IGF2R: variants seen among roughly 807,000 people sequenced by gnomAD.
The protein encoded by IGF2R is insulin like growth factor 2 receptor, also known as cation-independent mannose-6-phosphate receptor.
A neutral mutation model predicts 270.6 loss-of-function variants in IGF2R; 91 were observed. The ratio of observed to expected loss-of-function variants is 0.34; its 90% CI spans 0.28 to 0.40. The LOEUF is 0.40. Ranked by LOEUF, IGF2R falls within the 10% of genes least tolerant of loss-of-function variation. The probability of loss-of-function intolerance (pLI) is 1.00; values close to 1 mark genes in which losing one functional copy is unlikely to be tolerated. For missense variants in IGF2R, 2,805 were observed against 3,188.3 expected (o/e 0.88, Z 2.90); for synonymous variants, 1,316 against 1,258.9 (o/e 1.05, Z -0.96).
intron 39 of IGF2R, among the ~76,000 whole-genome samples, chr6:160,081,048 C>G (rs1778970348): frequency 6.6e-6 from 1 of 151,244 alleles, no homozygotes; most frequent in Non-Finnish European, 1.5e-5. Flanking sequence ...ATGGTGTGTA[C>G]CCGGGAGGCG....
At chr6:159,993,384 C>T (rs544128072) in intron 2 of IGF2R, among the ~76,000 whole-genome samples, 1 of 151,824 alleles carries the variant, frequency 6.6e-6, no homozygotes, top group South Asian at 2.1e-4. Context: ...ATTTAAGTCT[C>T]CAACTTTTGT....
At chr6:160,018,519 A>C (rs1486782625) in intron 4 of IGF2R, among the ~76,000 whole-genome samples, 2 of 152,164 alleles carry the variant, frequency 1.3e-5, no homozygotes, top group Non-Finnish European at 2.9e-5. Context: ...CAGAACATAT[A>C]TTCTTCTCAT....
chr6:160,099,942 A>T (rs1434388923), intron 45 of IGF2R, among the ~76,000 whole-genome samples: 3 of 152,260 alleles, frequency 2.0e-5, no homozygotes, highest in Middle Eastern at 3.2e-3. Flanking sequence ...TTTGGAAGAC[A>T]TACTGTTAGA....
At chr6:159,989,004 T>G (rs1783935192) in intron 1 of IGF2R, among the ~76,000 whole-genome samples, 1 of 152,190 alleles carries the variant, frequency 6.6e-6, no homozygotes. Context: ...ATCTTGACTC[T>G]AGGAGACACC....
intron 1 of IGF2R, among the ~76,000 whole-genome samples, chr6:159,980,185 AAG>A (rs773522293): frequency 2.6e-3 from 62 of 24,180 alleles, no homozygotes; most frequent in Middle Eastern, 0.017. Flanking sequence ...CGTCTCAAAA[AAG>A]AAAGAAAGAA....
rs1025985185 is a variant in IGF2R, at chr6:160,008,066, T to TA, written c.290-936dup. 1.9e-4 allele frequency among the ~76,000 whole-genome samples: 29 copies of TA among 152,200 alleles called. No individual in the cohort carries two copies. In the East Asian group the frequency reaches 3.9e-3, roughly 20 times the overall value. ...CTAATACTCATGATACTTAATGATCTAAAAAAAATCACAAAAAAGATCTCA... is the reference window on the plus strand; with the variant it reads ...CTAATACTCATGATACTTAATGATCTAAAAAAAAATCACAAAAAAGATCTCA... On this transcript the variant is annotated intron_variant, in intron 2 of 47. Coordinates refer to ENST00000356956, the MANE Select transcript of IGF2R (RefSeq NM_000876.4).
intron 35 of IGF2R, 148 bp from the exon 36 acceptor site, chr6:160,075,699 A>G: frequency 1.5e-6 from 1 of 682,892 alleles, no homozygotes. Context: ...TTCCAACTGG[A>G]GTTGGTATAA....
chr6:159,971,007 G>A (rs555194539), intron 1 of IGF2R, among the ~76,000 whole-genome samples: 6 of 152,334 alleles, frequency 3.9e-5, no homozygotes, highest in African/African-American at 1.4e-4. Flanking sequence ...TAGCCCCGCA[G>A]GTCGAGGTTG....
chr6:159,971,272 A>G (rs1562327388), intron 1 of IGF2R, among the ~76,000 whole-genome samples: 1 of 152,054 alleles, frequency 6.6e-6, no homozygotes, highest in African/African-American at 2.4e-5. Flanking sequence ...AGTGTCTTGA[A>G]CCTGTGTTCA....
intron 4 of IGF2R, 37 bp downstream of exon 4, chr6:160,010,822 A>G: frequency 8.4e-7 from 1 of 1,196,784 alleles, no homozygotes; most frequent in South Asian, 1.2e-5. Flanking sequence ...CTTATGAAGT[A>G]TACTCTGGGG....
chr6:160,042,113 C>T (rs1777959335), intron 11 of IGF2R, among the ~76,000 whole-genome samples: 1 of 152,168 alleles, frequency 6.6e-6, no homozygotes, highest in South Asian at 2.1e-4. Flanking sequence ...TTGGAATCTG[C>T]AGTATTTCGT....
chr6:160,034,545 C>G (rs1476408293), intron 10 of IGF2R, 23 bp downstream of exon 10: 3 of 1,464,496 alleles, frequency 2.0e-6, no homozygotes, highest in Non-Finnish European at 2.9e-6. Flanking sequence ...TGGAGTTCAG[C>G]CCCTCCTCTT....
At chr6:160,040,297 T>G (rs903641342) in intron 10 of IGF2R, among the ~76,000 whole-genome samples, 1 of 152,136 alleles carries the variant, frequency 6.6e-6, no homozygotes. Context: ...ATCTTATCTT[T>G]GGAGATGCTG....
rs1778174253 is a variant in IGF2R at position 160,050,606 on chromosome 6, C to T, written c.2648C>T (p.Thr883Ile). 6.2e-7 allele frequency: 1 copy of T among 1,613,630 alleles called. No homozygotes were observed. The highest frequency in any genetic ancestry group is 8.5e-7 in the Non-Finnish European group (1 of 1,179,590). ...TGCACCACCAGCGATGGCAGACAGACCACATATACCACGAGGATCCATCTC... is the reference window on the plus strand; with the variant it reads ...TGCACCACCAGCGATGGCAGACAGATCACATATACCACGAGGATCCATCTC... ...SACTTSDGRQ[T>I]TYTTRIHLVC... is the part of the protein sequence containing the mutation. The change falls in exon 19 of 48, where the codon ACC (threonine) becomes ATC (isoleucine). Residue 883 changes from threonine (T) to isoleucine (I), a missense_variant. By Grantham distance (89) the Thr-to-Ile change is moderately conservative. This residue lies in a region of IGF2R where 1,851 missense variants were observed against 2,207.2 expected (regional missense o/e 0.84). Coordinates refer to ENST00000356956, the MANE Select transcript of IGF2R (RefSeq NM_000876.4). The surrounding 1 kb of genome is among the most constrained non-coding windows in gnomAD (Gnocchi z 4.0).
intron 34 of IGF2R, 82 bp downstream of exon 34, chr6:160,073,551 A>T: frequency 1.3e-6 from 2 of 1,497,716 alleles, no homozygotes; most frequent in Non-Finnish European, 1.8e-6. Flanking sequence ...TCACTTGCCC[A>T]CTAGTAGATG....
At chr6:160,081,077 G>A (rs181386141) in intron 39 of IGF2R, among the ~76,000 whole-genome samples, 37 of 150,524 alleles carry the variant, frequency 2.5e-4, no homozygotes, top group African/African-American at 7.6e-4. Context: ...AGTGAGCCGA[G>A]ATCATGCCAC....
intron 1 of IGF2R, among the ~76,000 whole-genome samples, chr6:159,987,863 G>A (rs1783912326): frequency 6.6e-6 from 1 of 152,210 alleles, no homozygotes; most frequent in African/African-American, 2.4e-5. Flanking sequence ...AAGTGCTGCT[G>A]ATGGGTTTGA....
At chr6:160,015,851 C>G (rs1162253406) in intron 4 of IGF2R, among the ~76,000 whole-genome samples, 1 of 152,214 alleles carries the variant, frequency 6.6e-6, no homozygotes, top group Non-Finnish European at 1.5e-5. Context: ...AGTGAATTCT[C>G]ATGAGATCTG....
intron 19 of IGF2R, among the ~76,000 whole-genome samples, chr6:160,054,494 G>T (rs922995621): frequency 6.6e-6 from 1 of 152,148 alleles, no homozygotes; most frequent in African/African-American, 2.4e-5. Context: ...CACAAAAAGG[G>T]ATGGACGTTG....
Sources: gnomAD v4.1 joint callset for allele counts (sites outside exome capture counted in the v4.1 genomes callset) on GRCh38, gnomAD v4.1.1 for gene constraint, gnomAD v4.1.1 regional missense constraint, Gnocchi (gnomAD v3.1) non-coding constraint, MANE v1.5 for transcripts, NCBI Gene and HGNC (gene_info 2026-07-23, HGNC 2026-07-21) for gene names.